Variants in TNNI3K observed in about 807,000 individuals in gnomAD.
TNNI3K encodes the protein serine/threonine-protein kinase TNNI3K.
Under a neutral mutation model 114.5 loss-of-function variants are expected in TNNI3K, and 140 were observed. That is an observed-to-expected ratio of 1.22 (90% CI 1.07 to 1.41). TNNI3K has a LOEUF of 1.41. Ranked by LOEUF, TNNI3K falls within the 40% of genes most tolerant of loss-of-function variation. The pLI, the probability that TNNI3K is intolerant of heterozygous loss-of-function variation, is 0.00. For synonymous variants in TNNI3K, 347 were observed against 347.5 expected, an observed-to-expected ratio of 1.00 and a Z score of 0.02; for missense variants, 1,125 against 1,007.6, an observed-to-expected ratio of 1.12 and a Z score of -1.58.
At chr1:74,428,614 C>G (rs1665746331) in intron 17 of TNNI3K, among the ~76,000 whole-genome samples, 1 of 151,806 alleles carries the variant, frequency 6.6e-6, no homozygotes, top group African/African-American at 2.4e-5. Context: ...TATGTTAGGC[C>G]CCAAGGTACA....
At chr1:74,257,957 G>A (rs1452171776) in intron 4 of TNNI3K, among the ~76,000 whole-genome samples, 1 of 151,990 alleles carries the variant, frequency 6.6e-6, no homozygotes, top group Non-Finnish European at 1.5e-5. Flanking sequence ...GTGAGCCACC[G>A]TGCCCGGCCG....
intron 19 of TNNI3K, 130 bp from the exon 20 acceptor site, chr1:74,439,360 T>G: frequency 7.1e-7 from 1 of 1,408,538 alleles, no homozygotes; most frequent in Non-Finnish European, 9.5e-7. Context: ...TATGTATGGA[T>G]GTTAATTTAT....
At chr1:74,315,383 G>A (rs1455174314) in intron 5 of TNNI3K, among the ~76,000 whole-genome samples, 4 of 151,962 alleles carry the variant, frequency 2.6e-5, no homozygotes, top group South Asian at 2.1e-4. Flanking sequence ...AATGTATCAC[G>A]TATCTCCAAG....
intron 5 of TNNI3K, among the ~76,000 whole-genome samples, chr1:74,284,753 AGACCTTGGCGAT>A (rs1378425535): frequency 6.6e-6 from 1 of 152,236 alleles, no homozygotes; most frequent in Non-Finnish European, 1.5e-5. Context: ...GTGAAAAATC[AGACCTTGGCGAT>A]GACCTTGAGA....
intron 17 of TNNI3K, among the ~76,000 whole-genome samples, chr1:74,391,965 T>TTA (rs1266105065): frequency 6.6e-5 from 9 of 136,340 alleles, no homozygotes; most frequent in Non-Finnish European, 1.3e-4. Flanking sequence ...TTATTTTTTT[T>TTA]TTTTTTTTTT....
intron 24 of TNNI3K, among the ~76,000 whole-genome samples, chr1:74,541,304 G>A (rs1646723873): frequency 6.6e-6 from 1 of 152,240 alleles, no homozygotes; most frequent in Non-Finnish European, 1.5e-5. Flanking sequence ...AAAGAAAAAT[G>A]TATGTTCTGA....
chr1:74,308,341 A>G (rs1287409360), intron 5 of TNNI3K, among the ~76,000 whole-genome samples: 1 of 152,168 alleles, frequency 6.6e-6, no homozygotes, highest in African/African-American at 2.4e-5. Flanking sequence ...ACAAAATTAG[A>G]AATCAATACC....
At chr1:74,284,445 A>G (rs368105441) in intron 5 of TNNI3K, among the ~76,000 whole-genome samples, 50 of 152,322 alleles carry the variant, frequency 3.3e-4, no homozygotes, top group African/African-American at 1.2e-3. Context: ...TCACTTGTTC[A>G]TGTACAACTA....
chr1:74,471,548 A>C, intron 21 of TNNI3K: 1 of 400,584 alleles, frequency 2.5e-6, no homozygotes. Flanking sequence ...GAATTAGTAA[A>C]CCATTTTTCT....
intron 5 of TNNI3K, among the ~76,000 whole-genome samples, chr1:74,295,393 G>A (rs987001539): frequency 1.3e-5 from 2 of 152,054 alleles, no homozygotes; most frequent in Non-Finnish European, 2.9e-5. Context: ...TTTAAAAATT[G>A]TCTGTATACT....
chr1:74,420,034 G>A (rs1268434517), intron 17 of TNNI3K, among the ~76,000 whole-genome samples: 1 of 152,082 alleles, frequency 6.6e-6, no homozygotes, highest in African/African-American at 2.4e-5. Flanking sequence ...GTGTTAGGAA[G>A]AGCGATAAGA....
chr1:74,288,651 G>A (rs1053288903), intron 5 of TNNI3K, among the ~76,000 whole-genome samples: 2 of 151,984 alleles, frequency 1.3e-5, no homozygotes, highest in East Asian at 3.9e-4. Context: ...CAAAGGATAC[G>A]AAGTTTTAGT....
chr1:74,241,973 C>T (rs1557443465), intron 2 of TNNI3K, among the ~76,000 whole-genome samples: 3 of 151,882 alleles, frequency 2.0e-5, no homozygotes, highest in African/African-American at 7.3e-5. Context: ...CCTCAGCCTC[C>T]CAAGTAGCTG....
At chr1:74,472,250 C>A (rs897733595) in intron 21 of TNNI3K, 2 of 710,138 alleles carry the variant, frequency 2.8e-6, no homozygotes, top group Non-Finnish European at 5.2e-6. Flanking sequence ...AGTTTTATTA[C>A]CCCAACCAAA....
intron 4 of TNNI3K, among the ~76,000 whole-genome samples, chr1:74,252,094 T>A (rs1654962646): frequency 6.6e-6 from 1 of 152,214 alleles, no homozygotes; most frequent in Non-Finnish European, 1.5e-5. Context: ...CCATGAATTC[T>A]GAACCTCACC....
At chr1:74,492,370 G>C in intron 23 of TNNI3K, 104 bp downstream of exon 23, 1 of 1,302,686 alleles carries the variant, frequency 7.7e-7, no homozygotes, top group Non-Finnish European at 9.9e-7. Flanking sequence ...ATTACCCCCT[G>C]AAAAACTTTG....
intron 5 of TNNI3K, among the ~76,000 whole-genome samples, chr1:74,330,501 T>C (rs926013554): frequency 1.3e-4 from 20 of 152,168 alleles, no homozygotes; most frequent in African/African-American, 4.8e-4. Flanking sequence ...TTTGTCTTAT[T>C]ACTGCTCTAC....
intron 20 of TNNI3K, among the ~76,000 whole-genome samples, chr1:74,454,833 C>T (rs1398279385): frequency 6.6e-6 from 1 of 152,136 alleles, no homozygotes; most frequent in Admixed American, 6.5e-5. Context: ...TTAACATTCC[C>T]ACCAACAGTG....
intron 5 of TNNI3K, among the ~76,000 whole-genome samples, chr1:74,309,653 C>T (rs1174417324): frequency 6.6e-6 from 1 of 152,064 alleles, no homozygotes; most frequent in East Asian, 1.9e-4. Flanking sequence ...GATGGTTCAA[C>T]ATATGGAAAC....
Sources: gnomAD v4.1 joint callset for allele counts (sites outside exome capture counted in the v4.1 genomes callset) on GRCh38, gnomAD v4.1.1 for gene constraint, MANE v1.5 for transcripts, NCBI Gene and HGNC (gene_info 2026-07-23, HGNC 2026-07-21) for gene names.